The following PIP4K2A variants were observed in gnomAD, a reference collection of about 807,000 sequenced individuals.
The protein encoded by PIP4K2A is phosphatidylinositol 5-phosphate 4-kinase type-2 alpha.
PIP4K2A carries 14 observed loss-of-function variants against 42.9 expected under a neutral mutation model. The observed-to-expected ratio is 0.33, with a 90% CI of 0.22 to 0.51. The LOEUF (loss-of-function observed/expected upper bound fraction) is 0.51, where lower values mean the gene tolerates loss of function less well. PIP4K2A is among the 20% of genes least tolerant of loss of function. PIP4K2A has a pLI of 0.97. For missense variants in PIP4K2A, 434 were observed against 519.8 expected, an observed-to-expected ratio of 0.83 and a Z score of 1.61; for synonymous variants, 192 against 192.2, an observed-to-expected ratio of 1.00 and a Z score of 0.01.
chr10:22,655,336 G>C (rs1281543436), intron 1 of PIP4K2A, among the ~76,000 whole-genome samples: 8 of 152,202 alleles, frequency 5.3e-5, no homozygotes, highest in Admixed American at 4.6e-4. Flanking sequence ...CACAAGATGA[G>C]ATCTTCAGAG....
chr10:22,611,266 T>C (rs1363631666), intron 1 of PIP4K2A, among the ~76,000 whole-genome samples: 1 of 152,114 alleles, frequency 6.6e-6, no homozygotes, highest in Non-Finnish European at 1.5e-5. Context: ...GGTGTGCACC[T>C]GTAGTCCCAG....
chr10:22,623,590 G>T (rs1035306886), intron 1 of PIP4K2A, among the ~76,000 whole-genome samples: 5 of 152,302 alleles, frequency 3.3e-5, no homozygotes, highest in African/African-American at 1.2e-4. Flanking sequence ...AGGAACAGTA[G>T]GAGCTTAGAG....
chr10:22,595,274 C>G (rs1837607786), intron 3 of PIP4K2A, among the ~76,000 whole-genome samples: 1 of 152,136 alleles, frequency 6.6e-6, no homozygotes. Context: ...TACAATGGAG[C>G]CAAGCAATGT....
At chr10:22,555,610 TTAA>T (rs1836517809) in intron 6 of PIP4K2A, among the ~76,000 whole-genome samples, 2 of 152,170 alleles carry the variant, frequency 1.3e-5, no homozygotes, top group East Asian at 1.9e-4. Flanking sequence ...TAATGGGTAA[TTAA>T]TAATACTGTA....
At chr10:22,664,509 T>C (rs1017075471) in intron 1 of PIP4K2A, among the ~76,000 whole-genome samples, 1 of 151,658 alleles carries the variant, frequency 6.6e-6, no homozygotes, top group African/African-American at 2.4e-5. Flanking sequence ...CTTGCCAATT[T>C]TTCTCCATTT....
chr10:22,605,900 T>C (rs555537509), intron 3 of PIP4K2A, among the ~76,000 whole-genome samples: 2 of 151,976 alleles, frequency 1.3e-5, no homozygotes, highest in South Asian at 2.1e-4. Flanking sequence ...AATTTAGTAA[T>C]GGTTCTAAAG....
At chr10:22,609,244 T>C (rs1244620178) in intron 2 of PIP4K2A, among the ~76,000 whole-genome samples, 1 of 152,212 alleles carries the variant, frequency 6.6e-6, no homozygotes, top group Non-Finnish European at 1.5e-5. Context: ...GTACCTTGGG[T>C]CTTTATTGTT....
rs531477426 is a variant in PIP4K2A, at chr10:22,581,565, T to TAAAAA, written c.493-8113_493-8109dup. On this transcript the variant is annotated intron_variant, in intron 4 of 9. Coordinates refer to ENST00000376573, the MANE Select transcript of PIP4K2A (RefSeq NM_005028.5). ...GGGCAACACAGGGAGATCCTATCTC[T>TAAAAA]AAAAAAAAAAAAAAAAAAAAAAAAA... 8.9e-5 allele frequency among the ~76,000 whole-genome samples: 7 copies of TAAAAA among 78,666 alleles called. No homozygotes were observed. The East Asian group carries it at 1.3e-3, about 14-fold the overall frequency. The allele number at this position is 78,666 out of a possible 152,430, so 51.6% of individuals were successfully genotyped here. A position where few individuals can be genotyped will look rare whatever the true frequency, so the allele number is the denominator to read the frequency against.
chr10:22,537,512 C>T (rs1588608573), intron 9 of PIP4K2A, among the ~76,000 whole-genome samples: 1 of 152,120 alleles, frequency 6.6e-6, no homozygotes, highest in Non-Finnish European at 1.5e-5. Flanking sequence ...GCGACAGGAG[C>T]ACCAGATGCT....
intron 1 of PIP4K2A, among the ~76,000 whole-genome samples, chr10:22,645,562 A>G (rs1218864078): frequency 1.3e-5 from 2 of 149,190 alleles, no homozygotes; most frequent in Non-Finnish European, 2.9e-5. Flanking sequence ...AAAAAAAAAA[A>G]AAAGAAAAGA....
At chr10:22,567,454 G>C in intron 6 of PIP4K2A, 1 of 396,488 alleles carries the variant, frequency 2.5e-6, no homozygotes, top group Non-Finnish European at 4.8e-6. Context: ...GCGATGCAAA[G>C]AAATGTATTC....
At chr10:22,571,065 T>C (rs1253220933) in intron 5 of PIP4K2A, among the ~76,000 whole-genome samples, 1 of 152,312 alleles carries the variant, frequency 6.6e-6, no homozygotes, top group African/African-American at 2.4e-5. Context: ...CTTTTCAATA[T>C]TCTGTGCAGG....
At chr10:22,702,221 TG>T (rs1334166572) in intron 1 of PIP4K2A, among the ~76,000 whole-genome samples, 8 of 152,144 alleles carry the variant, frequency 5.3e-5, no homozygotes, top group Non-Finnish European at 1.2e-4. Flanking sequence ...CAAGGCACCA[TG>T]AAGAAGAACC....
intron 1 of PIP4K2A, among the ~76,000 whole-genome samples, chr10:22,661,222 T>A (rs111382554): frequency 4.5e-4 from 69 of 152,292 alleles, no homozygotes; most frequent in African/African-American, 1.5e-3. Flanking sequence ...CACTGTTAAC[T>A]CCAAGTGCCT....
At chr10:22,569,199 G>T (rs930528275) in intron 5 of PIP4K2A, 3 of 650,856 alleles carry the variant, frequency 4.6e-6, no homozygotes, top group South Asian at 3.6e-5. Context: ...AGACCAGGCT[G>T]GGGGGGTCTC....
intron 4 of PIP4K2A, 141 bp downstream of exon 4, chr10:22,591,488 G>A (rs887632400): frequency 1.7e-6 from 1 of 583,204 alleles, no homozygotes; most frequent in Non-Finnish European, 2.8e-6. Context: ...TGTAATTTTA[G>A]AACACAGGGT....
At chr10:22,694,627 T>C (rs1588711682) in intron 1 of PIP4K2A, 1 of 152,234 alleles carries the variant, frequency 6.6e-6, no homozygotes, top group African/African-American at 2.4e-5. Flanking sequence ...CAGATGTTTT[T>C]TTCAATGACC....
intron 1 of PIP4K2A, among the ~76,000 whole-genome samples, chr10:22,675,722 A>G (rs1228639089): frequency 6.6e-6 from 1 of 152,190 alleles, no homozygotes; most frequent in East Asian, 1.9e-4. Flanking sequence ...AATGTAGTAC[A>G]ATTCTCCTGA....
intron 1 of PIP4K2A, among the ~76,000 whole-genome samples, chr10:22,616,841 T>C (rs1040515480): frequency 6.6e-6 from 1 of 152,232 alleles, no homozygotes; most frequent in Non-Finnish European, 1.5e-5. Flanking sequence ...ACTGAAAAGT[T>C]GTCATCTAAC....
Sources: allele counts gnomAD v4.1 joint callset (sites outside exome capture counted in the v4.1 genomes callset), GRCh38; gene constraint gnomAD v4.1.1; transcripts MANE v1.5; gene names NCBI Gene and HGNC (gene_info 2026-07-23, HGNC 2026-07-21).